Variants in MYT1L observed in about 807,000 individuals in gnomAD.
The protein encoded by MYT1L is myelin transcription factor 1 like, also known as myelin transcription factor 1-like protein.
Under a neutral mutation model 126.7 loss-of-function variants are expected in MYT1L, and 12 were observed. The observed-to-expected ratio is 0.09, with a 90% CI of 0.06 to 0.15. The LOEUF is 0.15. Ranked by LOEUF, MYT1L falls within the 10% of genes least tolerant of loss-of-function variation. The pLI is 1.00. For missense variants in MYT1L, 979 were observed against 1,585.2 expected, an observed-to-expected ratio of 0.62 and a Z score of 6.49; for synonymous variants, 541 against 604.2, an observed-to-expected ratio of 0.90 and a Z score of 1.53.
intron 12 of MYT1L, among the ~76,000 whole-genome samples, chr2:1,911,496 CT>C (rs1288979177): frequency 6.6e-6 from 1 of 152,194 alleles, no homozygotes; most frequent in East Asian, 1.9e-4. Context: ...AAGAGTGGTT[CT>C]GAGTCCATTG....
At chr2:2,119,329 G>C (rs962581505) in intron 3 of MYT1L, among the ~76,000 whole-genome samples, 5 of 152,114 alleles carry the variant, frequency 3.3e-5, no homozygotes, top group Non-Finnish European at 7.4e-5. Context: ...CATGCTTACA[G>C]TAAATAAATA....
chr2:2,002,609 C>T (rs1397714726), intron 4 of MYT1L, among the ~76,000 whole-genome samples: 2 of 152,162 alleles, frequency 1.3e-5, no homozygotes, highest in Non-Finnish European at 2.9e-5. Flanking sequence ...ATCATTTGTC[C>T]TTACTCACAG....
chr2:1,952,724 T>A (rs1269847843), intron 8 of MYT1L, among the ~76,000 whole-genome samples: 1 of 53,018 alleles, frequency 1.9e-5, no homozygotes, highest in Admixed American at 1.7e-4. Flanking sequence ...CCCTCCTTCC[T>A]TCCCTTCCCT....
chr2:2,266,067 G>A (rs937488957), intron 2 of MYT1L, among the ~76,000 whole-genome samples: 2 of 152,206 alleles, frequency 1.3e-5, no homozygotes, highest in Admixed American at 1.3e-4. Context: ...TTCACAGCCT[G>A]CTGATGCTGC....
chr2:2,213,352 G>T (rs924549970), intron 2 of MYT1L, among the ~76,000 whole-genome samples: 1 of 152,160 alleles, frequency 6.6e-6, no homozygotes, highest in Non-Finnish European at 1.5e-5. Context: ...GACCAATATA[G>T]CTAGAGGCTT....
At chr2:1,999,904 T>G (rs889435301) in intron 4 of MYT1L, among the ~76,000 whole-genome samples, 1 of 152,234 alleles carries the variant, frequency 6.6e-6, no homozygotes, top group Non-Finnish European at 1.5e-5. Flanking sequence ...ATTCATAGTA[T>G]AAATTCAAAT....
chr2:1,850,684 T>G (rs144548850), intron 19 of MYT1L, among the ~76,000 whole-genome samples: 69 of 152,258 alleles, frequency 4.5e-4, no homozygotes, highest in African/African-American at 1.5e-3. Flanking sequence ...TAACTCAGTT[T>G]AAGAACAATT....
intron 22 of MYT1L, 29 bp downstream of exon 22, chr2:1,809,047 G>A (rs1303352868): frequency 6.2e-7 from 1 of 1,607,460 alleles, no homozygotes; most frequent in Non-Finnish European, 8.5e-7. Context: ...CCTGACCATG[G>A]GTGCCACGAG....
intron 8 of MYT1L, among the ~76,000 whole-genome samples, chr2:1,977,704 T>C (rs896381132): frequency 6.6e-6 from 1 of 152,206 alleles, no homozygotes; most frequent in Non-Finnish European, 1.5e-5. Flanking sequence ...TAAGAAACTT[T>C]TTAGCCAAAT....
At chr2:2,312,932 T>C (rs1205437356) in intron 1 of MYT1L, among the ~76,000 whole-genome samples, 1 of 152,110 alleles carries the variant, frequency 6.6e-6, no homozygotes, top group East Asian at 1.9e-4. Context: ...TATCTTTGGC[T>C]ACTTGATGAA....
chr2:2,007,320 A>C (rs2063427415), intron 4 of MYT1L, among the ~76,000 whole-genome samples: 1 of 152,036 alleles, frequency 6.6e-6, no homozygotes, highest in African/African-American at 2.4e-5. Context: ...AACCTCACCA[A>C]CCCTTGCTAT....
intron 9 of MYT1L, among the ~76,000 whole-genome samples, chr2:1,935,080 TTC>T (rs1340613077): frequency 2.0e-5 from 3 of 152,234 alleles, no homozygotes; most frequent in African/African-American, 4.8e-5. Flanking sequence ...CATGACCACT[TTC>T]TTAGCAATCT....
At chr2:2,065,504 T>C (rs2071115029) in intron 3 of MYT1L, among the ~76,000 whole-genome samples, 1 of 152,128 alleles carries the variant, frequency 6.6e-6, no homozygotes, top group African/African-American at 2.4e-5. Context: ...CCTCATCATT[T>C]TAAACTCTTC....
intron 3 of MYT1L, among the ~76,000 whole-genome samples, chr2:2,067,794 T>C (rs1007509267): frequency 8.5e-5 from 13 of 152,098 alleles, no homozygotes; most frequent in Admixed American, 7.9e-4. Context: ...TATTTTTGAT[T>C]TACATGAAGA....
intron 3 of MYT1L, among the ~76,000 whole-genome samples, chr2:2,105,337 A>T (rs2078620370): frequency 6.6e-6 from 1 of 152,190 alleles, no homozygotes; most frequent in Admixed American, 6.5e-5. Context: ...TGCTTTCCAC[A>T]CTAGCAACTG....
intron 3 of MYT1L, among the ~76,000 whole-genome samples, chr2:2,071,898 T>C (rs923772833): frequency 6.6e-6 from 1 of 152,158 alleles, no homozygotes; most frequent in African/African-American, 2.4e-5. Context: ...CCAGAGGCAC[T>C]GAAGAGCTGT....
chr2:2,104,329 G>A (rs1453072652), intron 3 of MYT1L, among the ~76,000 whole-genome samples: 2 of 152,226 alleles, frequency 1.3e-5, no homozygotes, highest in East Asian at 3.8e-4. Context: ...ATACTTTGAA[G>A]TTGGAAAGAA....
chr2:2,207,917 C>A (rs969701851), intron 2 of MYT1L, among the ~76,000 whole-genome samples: 2 of 152,314 alleles, frequency 1.3e-5, no homozygotes, highest in African/African-American at 4.8e-5. Context: ...GCCCTGCCCA[C>A]CCCGAAGCAC....
rs200454871 is a variant in MYT1L, at chr2:1,889,513, C to G, written c.2284-36G>C. 32 of 1,522,242 alleles carry G rather than the reference C, an allele frequency of 2.1e-5. No homozygotes were observed. The African/African-American group carries it at 3.4e-4, about 16-fold the overall frequency. 94.3% of individuals were successfully genotyped at this position (1,522,242 alleles called of 1,614,324 possible). A position where few individuals can be genotyped will look rare whatever the true frequency, so the allele number is the denominator to read the frequency against. ...AAAGACATAGTGACTGTGCTTGGCC[C>G]GGCATCTTGTGACACCACGAGTCCT... On this transcript the variant is annotated intron_variant, in intron 15 of 24. Coordinates refer to ENST00000647738, the MANE Select transcript of MYT1L (RefSeq NM_001303052.2). This position sits in a 1 kb window ranked among gnomAD's most constrained non-coding sequence, Gnocchi z 4.1.
Sources: gnomAD v4.1 joint callset for allele counts (sites outside exome capture counted in the v4.1 genomes callset) on GRCh38, gnomAD v4.1.1 for gene constraint, Gnocchi (gnomAD v3.1) non-coding constraint, MANE v1.5 for transcripts, NCBI Gene and HGNC (gene_info 2026-07-23, HGNC 2026-07-21) for gene names.